The following KCNAB1 variants were observed in gnomAD, a reference collection of about 807,000 sequenced individuals.
The protein encoded by KCNAB1 is voltage-gated potassium channel subunit beta-1.
Under a neutral mutation model 64.6 loss-of-function variants are expected in KCNAB1, and 35 were observed. The ratio of observed to expected loss-of-function variants is 0.54; its 90% CI spans 0.41 to 0.72. The LOEUF (loss-of-function observed/expected upper bound fraction) is 0.72, where lower values mean the gene tolerates loss of function less well. KCNAB1 is among the 30% of genes least tolerant of loss of function. KCNAB1 has a pLI of 0.00. For missense variants in KCNAB1, 401 were observed against 512.9 expected (o/e 0.78, Z 2.11); for synonymous variants, 177 against 183.8 (o/e 0.96, Z 0.30).
chr3:156,372,157 A>T (rs936552318), intron 1 of KCNAB1, among the ~76,000 whole-genome samples: 5 of 152,234 alleles, frequency 3.3e-5, no homozygotes, highest in Non-Finnish European at 7.3e-5. Context: ...TGGATACAAC[A>T]TACTGTGCAA....
At chr3:156,277,841 C>A (rs190106591) in intron 1 of KCNAB1, among the ~76,000 whole-genome samples, 1 of 152,078 alleles carries the variant, frequency 6.6e-6, no homozygotes. Context: ...CATAGTTGGG[C>A]GTACTAATTT....
intron 1 of KCNAB1, among the ~76,000 whole-genome samples, chr3:156,323,685 C>T (rs780065852): frequency 2.0e-5 from 3 of 152,080 alleles, no homozygotes; most frequent in South Asian, 4.1e-4. Flanking sequence ...TATTGGGAGA[C>T]GTGCTTTAGG....
At chr3:156,421,776 G>A in intron 2 of KCNAB1, 117 bp downstream of exon 2, 2 of 794,336 alleles carry the variant, frequency 2.5e-6, no homozygotes, top group Non-Finnish European at 4.2e-6. Flanking sequence ...GAGGCTTCCT[G>A]GCCAGTATTG....
intron 1 of KCNAB1, among the ~76,000 whole-genome samples, chr3:156,136,293 C>T (rs1714343563): frequency 6.6e-6 from 1 of 152,122 alleles, no homozygotes; most frequent in South Asian, 2.1e-4. Flanking sequence ...TTCACAACAC[C>T]CTATTAGGTA....
intron 1 of KCNAB1, among the ~76,000 whole-genome samples, chr3:156,389,773 G>A (rs1712889280): frequency 6.6e-6 from 1 of 152,218 alleles, no homozygotes; most frequent in African/African-American, 2.4e-5. Flanking sequence ...AACCACTTAT[G>A]CACTTGGGGA....
intron 1 of KCNAB1, among the ~76,000 whole-genome samples, chr3:156,121,947 T>C (rs1461342979): frequency 6.6e-6 from 1 of 152,238 alleles, no homozygotes; most frequent in Non-Finnish European, 1.5e-5. Flanking sequence ...ACTTGTACCG[T>C]ACACTTTAAA....
rs143732697 is a variant in KCNAB1 at position 156,349,479 on chromosome 3, A to G, written c.276-72137A>G. On this transcript the variant is annotated intron_variant, in intron 1 of 13. Transcript: ENST00000490337. ...ATGAGGCAATAGTTGGTCACCTTCT[A>G]TCTTACCACTTCTACTTTTCTATTT... 1.7e-4 allele frequency among the ~76,000 whole-genome samples: 26 copies of G among 152,316 alleles called. No individual in the cohort carries two copies. The East Asian group carries it at 4.4e-3, about 26-fold the overall frequency.
Position 156,531,470 on chromosome 3 carries a change from A to G in KCNAB1, c.1143A>G (p.Gln381=). Residue 381 remains glutamine (Q), a synonymous_variant, in exon 13 of 14, where the codon CAA becomes CAG. Transcript: ENST00000490337. The stretch of plus-strand genomic sequence containing the variant: ...TCCTGGGATCATCCACTCCTGAACA[A>G]CTCATTGAAAACCTTGGTGCCATTC... The part of the protein sequence containing the change: ...SVLLGSSTPE[Q]LIENLGAIQV... 6.2e-7 allele frequency: 1 copy of G among 1,613,794 alleles called. No homozygotes were observed. The highest frequency in any genetic ancestry group is 8.5e-7 in the Non-Finnish European group (1 of 1,179,774).
intron 2 of KCNAB1, among the ~76,000 whole-genome samples, chr3:156,445,462 G>T (rs1397537235): frequency 1.3e-5 from 2 of 152,200 alleles, no homozygotes. Flanking sequence ...TTTCACTGGG[G>T]TGTGGTGAGG....
intron 1 of KCNAB1, chr3:156,143,464 T>C (rs1714831900): frequency 2.3e-6 from 3 of 1,281,196 alleles, no homozygotes; most frequent in Non-Finnish European, 3.1e-6. Context: ...ACTGCACTGA[T>C]GTCAAAGGTT....
chr3:156,528,319 T>C (rs1014522046), intron 12 of KCNAB1, among the ~76,000 whole-genome samples: 3 of 152,202 alleles, frequency 2.0e-5, no homozygotes, highest in Admixed American at 1.3e-4. Flanking sequence ...AATATGGCTG[T>C]CCAAATGGGG....
rs921518763 is a variant in KCNAB1 at position 156,291,564 on chromosome 3, C to T, written c.276-130052C>T. On this transcript the variant is annotated intron_variant, in intron 1 of 13. Coordinates refer to ENST00000490337, the MANE Select transcript of KCNAB1 (RefSeq NM_172160.3). ...ACCATGAATGCTCAGCTCTAGGCTT[C>T]TGTAAAAACCTCCCCCACTGCATGG... 9.2e-6 allele frequency: 11 copies of T among 1,194,882 alleles called. No homozygotes were observed. The African/African-American group carries it at 1.4e-4, about 15-fold the overall frequency. 74.0% of individuals were successfully genotyped at this position (1,194,882 alleles called of 1,614,324 possible).
At chr3:156,138,488 G>A (rs779872729) in intron 1 of KCNAB1, among the ~76,000 whole-genome samples, 1 of 152,116 alleles carries the variant, frequency 6.6e-6, no homozygotes, top group Non-Finnish European at 1.5e-5. Context: ...GGATGACTGC[G>A]ACATGTCCAA....
chr3:156,368,847 G>T (rs1726122939), intron 1 of KCNAB1, among the ~76,000 whole-genome samples: 1 of 152,184 alleles, frequency 6.6e-6, no homozygotes, highest in Non-Finnish European at 1.5e-5. Flanking sequence ...TTGTCCCTTA[G>T]TAAAGGAAAT....
intron 1 of KCNAB1, among the ~76,000 whole-genome samples, chr3:156,370,740 G>T (rs1726249631): frequency 6.6e-6 from 1 of 152,186 alleles, no homozygotes; most frequent in African/African-American, 2.4e-5. Flanking sequence ...CAATAGGGAA[G>T]GCACAGGTTA....
chr3:156,240,296 TTTCC>T (rs1275884590), intron 1 of KCNAB1, among the ~76,000 whole-genome samples: 1 of 152,204 alleles, frequency 6.6e-6, no homozygotes, highest in African/African-American at 2.4e-5. Context: ...CTCTCTGATT[TTTCC>T]TTCCTTCATT....
At chr3:156,295,343 TA>T (rs1457301121) in intron 1 of KCNAB1, among the ~76,000 whole-genome samples, 1 of 152,188 alleles carries the variant, frequency 6.6e-6, no homozygotes, top group Non-Finnish European at 1.5e-5. Context: ...CCCTGATAAA[TA>T]GGTATAATGC....
At chr3:156,526,312 T>C (rs1021894151) in intron 12 of KCNAB1, among the ~76,000 whole-genome samples, 1 of 152,220 alleles carries the variant, frequency 6.6e-6, no homozygotes, top group African/African-American at 2.4e-5. Flanking sequence ...TCCCTGTCGC[T>C]ATGGGATGCA....
intron 1 of KCNAB1, among the ~76,000 whole-genome samples, chr3:156,327,568 TC>T (rs1458481997): frequency 1.3e-5 from 2 of 152,150 alleles, no homozygotes; most frequent in African/African-American, 4.8e-5. Flanking sequence ...ATGGGCTAGA[TC>T]CGGGGCTTAC....
Sources: allele counts gnomAD v4.1 joint callset (sites outside exome capture counted in the v4.1 genomes callset), GRCh38; gene constraint gnomAD v4.1.1; transcripts MANE v1.5; gene names NCBI Gene and HGNC (gene_info 2026-07-23, HGNC 2026-07-21).